The following CTNNA3 variants were observed in gnomAD, a reference collection of about 807,000 sequenced individuals.
CTNNA3 encodes the protein catenin alpha 3, also known as catenin alpha-3.
A neutral mutation model predicts 95.7 loss-of-function variants in CTNNA3; 76 were observed. The ratio of observed to expected loss-of-function variants is 0.79; its 90% confidence interval spans 0.66 to 0.96. CTNNA3 has a LOEUF of 0.96. CTNNA3 is among the 40% of genes least tolerant of loss of function. The pLI is 0.00. For missense variants in CTNNA3, 1,191 were observed against 1,089.8 expected (o/e 1.09, Z -1.31); for synonymous variants, 431 against 374.4 (o/e 1.15, Z -1.74).
At chr10:67,704,049 C>T (rs1395410243) in intron 1 of CTNNA3, among the ~76,000 whole-genome samples, 4 of 152,088 alleles carry the variant, frequency 2.6e-5, no homozygotes, top group African/African-American at 9.7e-5. Flanking sequence ...GAATAAAATA[C>T]CTAGGAATCC....
intron 13 of CTNNA3, among the ~76,000 whole-genome samples, chr10:66,189,742 AT>A (rs1200117954): frequency 6.6e-6 from 1 of 151,408 alleles, no homozygotes; most frequent in East Asian, 1.9e-4. Context: ...TTTATACTGT[AT>A]TTTTATATTT....
In CTNNA3 at chr10:66,406,447, G is replaced by A. The variant is rs192504366; in HGVS notation, c.1532-27095C>T. 2.0e-4 allele frequency among the ~76,000 whole-genome samples: 31 copies of A among 152,254 alleles called. No homozygotes were observed. The East Asian group carries it at 5.4e-3, about 27-fold the overall frequency. On this transcript the variant is annotated intron_variant, in intron 11 of 17. Coordinates refer to ENST00000433211, the MANE Select transcript of CTNNA3 (RefSeq NM_013266.4). ...GCTGCCTGGATTTCCAGTGTTCCAA[G>A]GAAATTTTCAAAATGTATATGAATT...
At chr10:66,162,116 G>C (rs998463052) in intron 13 of CTNNA3, among the ~76,000 whole-genome samples, 1 of 150,438 alleles carries the variant, frequency 6.6e-6, no homozygotes, top group African/African-American at 2.4e-5. Flanking sequence ...CTTGTATCTT[G>C]TTTTGGATAT....
chr10:66,648,828 G>A (rs773334283), intron 9 of CTNNA3, among the ~76,000 whole-genome samples: 1 of 152,110 alleles, frequency 6.6e-6, no homozygotes, highest in Non-Finnish European at 1.5e-5. Flanking sequence ...ATATTACATA[G>A]TGGTTTATAC....
At chr10:67,518,870 T>C (rs1253288204) in intron 5 of CTNNA3, among the ~76,000 whole-genome samples, 1 of 152,010 alleles carries the variant, frequency 6.6e-6, no homozygotes, top group African/African-American at 2.4e-5. Context: ...GCAGATAAAC[T>C]CCAAGACTGT....
At chr10:66,881,889 G>A (rs1436604347) in intron 7 of CTNNA3, among the ~76,000 whole-genome samples, 2 of 152,086 alleles carry the variant, frequency 1.3e-5, no homozygotes, top group African/African-American at 4.8e-5. Flanking sequence ...ACCAGGTAAT[G>A]TACGATGACA....
At position 66,845,754 on chromosome 10, in the gene CTNNA3, T is replaced by TACACACACACACACACACAC. The variant is rs140313786; in HGVS notation, c.1048-70250_1048-70231dup. On this transcript the variant is annotated intron_variant, in intron 7 of 17. Transcript: ENST00000433211. ...ACTAAAAAGGTGAGATATATATACA[T>TACACACACACACACACACAC]ACACACACACACACACACACACACA... Among the ~76,000 whole-genome samples the TACACACACACACACACACAC allele has an allele frequency of 2.4e-3, 265 of 108,614 alleles. 1 individual carries two copies. Among genetic ancestry groups the TACACACACACACACACACAC allele is most frequent in the Admixed American group, 5.3e-3 (54 of 10,106 alleles). The allele number at this position is 108,614 out of a possible 152,430, so 71.3% of individuals were successfully genotyped here. A position where few individuals can be genotyped will look rare whatever the true frequency, so the allele number is the denominator to read the frequency against.
chr10:67,568,171 T>C (rs375126002), intron 3 of CTNNA3, among the ~76,000 whole-genome samples: 5 of 151,922 alleles, frequency 3.3e-5, no homozygotes, highest in African/African-American at 1.2e-4. Context: ...TCTATTTATC[T>C]CTCTTTCTAC....
At chr10:67,097,719 C>G (rs1858095148) in intron 7 of CTNNA3, 29 of 1,612,556 alleles carry the variant, frequency 1.8e-5, no homozygotes, top group Non-Finnish European at 2.2e-5. Context: ...GATGGAAACA[C>G]ACCTAGAGAC....
intron 11 of CTNNA3, among the ~76,000 whole-genome samples, chr10:66,445,061 A>G (rs2093408512): frequency 6.6e-6 from 1 of 152,124 alleles, no homozygotes; most frequent in Admixed American, 6.6e-5. Flanking sequence ...AACAAAGATC[A>G]AAAGAGACAA....
chr10:66,188,593 C>CTGTGTGTG (rs1357549840), intron 13 of CTNNA3, among the ~76,000 whole-genome samples: 3 of 104,548 alleles, frequency 2.9e-5, no homozygotes, highest in Non-Finnish European at 4.1e-5. Flanking sequence ...GAGGGGGGGT[C>CTGTGTGTG]TCTGTGTGTG....
intron 17 of CTNNA3, among the ~76,000 whole-genome samples, chr10:65,932,028 G>T (rs1192877850): frequency 6.6e-6 from 1 of 152,182 alleles, no homozygotes; most frequent in East Asian, 1.9e-4. Flanking sequence ...AGTTCTCAAG[G>T]TTACGTGGAT....
intron 13 of CTNNA3, among the ~76,000 whole-genome samples, chr10:66,117,005 G>C (rs1462827): frequency 0.11 from 17,201 of 152,066 alleles, 1,342 homozygotes; most frequent in African/African-American, 0.22. Flanking sequence ...TGGGGATACA[G>C]AGCCAAACCA....
At position 66,749,234 on chromosome 10, in the gene CTNNA3, G is replaced by A. The variant is rs981930239; in HGVS notation, c.1281+17030C>T. On this transcript the variant is annotated intron_variant, in intron 9 of 17. Coordinates refer to ENST00000433211, the MANE Select transcript of CTNNA3 (RefSeq NM_013266.4). ...AAAAAAAAAAAAAAAAAAAAGAAAA[G>A]GAAAGAAAGAAAGAAAGATATTCTC... is the stretch of plus-strand genomic sequence containing the variant. Among the ~76,000 whole-genome samples, 202 of 130,696 alleles carry A rather than the reference G, an allele frequency of 1.5e-3. 1 individual carries two copies. The highest frequency in any genetic ancestry group is 5.3e-3 in the African/African-American group (169 of 31,940). 85.7% of individuals were successfully genotyped at this position (130,696 alleles called of 152,430 possible).
chr10:66,458,236 G>A (rs996454949), intron 11 of CTNNA3, among the ~76,000 whole-genome samples: 33 of 152,078 alleles, frequency 2.2e-4, no homozygotes, highest in African/African-American at 7.7e-4. Context: ...ACAGGTGTAT[G>A]AACAAATTTT....
At chr10:67,596,882 CCTCT>C (rs1455843563) in intron 3 of CTNNA3, among the ~76,000 whole-genome samples, 1 of 152,142 alleles carries the variant, frequency 6.6e-6, no homozygotes, top group African/African-American at 2.4e-5. Context: ...TCTCTCTTTC[CCTCT>C]CTTTCAGGGA....
intron 11 of CTNNA3, among the ~76,000 whole-genome samples, chr10:66,464,394 A>G (rs1271455529): frequency 2.0e-5 from 3 of 152,084 alleles, no homozygotes; most frequent in East Asian, 1.9e-4. Flanking sequence ...TATTCCCTTG[A>G]CATAGTTGCT....
intron 14 of CTNNA3, among the ~76,000 whole-genome samples, chr10:66,091,628 A>C (rs1267305569): frequency 6.6e-6 from 1 of 151,962 alleles, no homozygotes; most frequent in Non-Finnish European, 1.5e-5. Flanking sequence ...CAGAGAGTGA[A>C]GGTAATGTTA....
chr10:67,157,808 A>C (rs532440541), intron 7 of CTNNA3, among the ~76,000 whole-genome samples: 17 of 152,242 alleles, frequency 1.1e-4, no homozygotes, highest in African/African-American at 3.9e-4. Flanking sequence ...TTCCCAGCCC[A>C]AAAAAATCAC....
Sources: allele counts gnomAD v4.1 joint callset (sites outside exome capture counted in the v4.1 genomes callset), GRCh38; gene constraint gnomAD v4.1.1; transcripts MANE v1.5; gene names NCBI Gene and HGNC (gene_info 2026-07-23, HGNC 2026-07-21).